ABCB5: variants seen among roughly 807,000 people sequenced by gnomAD.
The protein encoded by ABCB5 is ATP-binding cassette sub-family B member 5.
In ABCB5, 155 loss-of-function variants were observed where a neutral mutation model predicts 144.2. The observed-to-expected ratio is 1.08, with a 90% CI of 0.94 to 1.23. The LOEUF is 1.23. Among genes scored for constraint, ABCB5 ranks in the 50% most tolerant of loss-of-function variants. ABCB5 has a pLI of 0.00. For synonymous variants in ABCB5, 610 were observed against 528.6 expected, an observed-to-expected ratio of 1.15 and a Z score of -2.11; for missense variants, 1,830 against 1,520.8, an observed-to-expected ratio of 1.20 and a Z score of -3.38.
At chr7:20,673,823 G>C (rs2097941) in intron 14 of ABCB5, among the ~76,000 whole-genome samples, 137,597 of 151,904 alleles carry the variant, frequency 0.91, 62,495 homozygotes, top group East Asian at 1. Context: ...TTTCTTTTTT[G>C]CATCGATTCT....
intron 14 of ABCB5, among the ~76,000 whole-genome samples, chr7:20,668,768 A>G (rs1256776309): frequency 1.6e-5 from 2 of 125,012 alleles, no homozygotes; most frequent in Admixed American, 7.8e-5. Flanking sequence ...CCGGGAGGTG[A>G]GGGGCGCCTC....
At position 20,643,326 on chromosome 7, in the gene ABCB5, G is replaced by T; in HGVS notation, c.457G>T (p.Gly153Cys). Residue 153 changes from glycine to cysteine, a missense_variant, in exon 6 of 28, where the codon GGC becomes TGC. Transcript: ENST00000404938. Reference protein sequence around the residue: ...FFHSVLAQDIGWFDSCDIGEL... With the variant: ...FFHSVLAQDICWFDSCDIGEL... Reference sequence around the variant, plus strand: ...TCATTCAGTTTTGGCACAGGACATCGGCTGGTTTGATAGCTGTGACATCGG... The same window carrying T: ...TCATTCAGTTTTGGCACAGGACATCTGCTGGTTTGATAGCTGTGACATCGG... The T allele has an allele frequency of 6.2e-7, 1 of 1,613,920 alleles. No homozygotes were observed. Among genetic ancestry groups the T allele is most frequent in the East Asian group, 2.2e-5 (1 of 44,890 alleles).
At position 20,628,611 on chromosome 7, in the gene ABCB5, T is replaced by A; in HGVS notation, c.109-77T>A. 3 of 1,414,846 alleles carry A rather than the reference T, an allele frequency of 2.1e-6. 1 individual carries two copies. In the South Asian group the frequency reaches 3.9e-5, roughly 18 times the overall value. The allele number at this position is 1,414,846 out of a possible 1,614,324, so 87.6% of individuals were successfully genotyped here. On this transcript the variant is annotated intron_variant, in intron 3 of 27. Coordinates refer to ENST00000404938, the MANE Select transcript of ABCB5 (RefSeq NM_001163941.2). Reference sequence around the variant, plus strand: ...TTACTAGGTGGCAAAGGCTGTAGGCTGTTGTGTGTGTGTGTGTGTGCTTGG... The same window carrying A: ...TTACTAGGTGGCAAAGGCTGTAGGCAGTTGTGTGTGTGTGTGTGTGCTTGG...
intron 13 of ABCB5, among the ~76,000 whole-genome samples, chr7:20,657,020 C>T (rs1784825302): frequency 1.3e-5 from 2 of 150,972 alleles, no homozygotes; most frequent in South Asian, 4.2e-4. Flanking sequence ...CTCCCAGGCT[C>T]AGGCAGTCCT....
At chr7:20,693,650 C>G (rs1786307723) in intron 16 of ABCB5, among the ~76,000 whole-genome samples, 1 of 151,874 alleles carries the variant, frequency 6.6e-6, no homozygotes, top group Non-Finnish European at 1.5e-5. Flanking sequence ...ATCTAAAAAT[C>G]TCAAATTAAT....
chr7:20,680,938 A>G (rs1785772246), intron 14 of ABCB5, among the ~76,000 whole-genome samples: 1 of 151,208 alleles, frequency 6.6e-6, no homozygotes, highest in African/African-American at 2.4e-5. Context: ...ACTGCAACAA[A>G]GATTTCTTCT....
chr7:20,668,601 G>T (rs1389304154), intron 14 of ABCB5, among the ~76,000 whole-genome samples: 1 of 145,846 alleles, frequency 6.9e-6, no homozygotes, highest in Admixed American at 6.8e-5. Flanking sequence ...GGGGGGGGGG[G>T]TCAGCCCCCC....
At chr7:20,681,701 G>A (rs1410274283) in intron 15 of ABCB5, 35 bp downstream of exon 15, 23 of 1,594,280 alleles carry the variant, frequency 1.4e-5, no homozygotes, top group Non-Finnish European at 1.9e-5. Flanking sequence ...ATGTCAGCAG[G>A]GTTTAACGTT....
In ABCB5 at chr7:20,685,734, A is replaced by C; in HGVS notation, c.1908A>C (p.Thr636=). Residue 636 remains threonine (T), a synonymous_variant, in exon 16 of 28, where the codon ACA becomes ACC. Coordinates refer to ENST00000404938, the MANE Select transcript of ABCB5 (RefSeq NM_001163941.2). ...KKADEQMESM[T]YSTERKTNSL... ...CTGATGAACAGATGGAGTCAATGAC[A>C]TATTCTACTGAAAGAAAGACCAACT... is the stretch of plus-strand genomic sequence containing the variant. 6.2e-7 allele frequency: 1 copy of C among 1,612,788 alleles called. No homozygotes were observed. The highest frequency in any genetic ancestry group is 8.5e-7 in the Non-Finnish European group (1 of 1,179,002).
At chr7:20,684,901 T>G (rs1785944879) in intron 15 of ABCB5, among the ~76,000 whole-genome samples, 1 of 152,234 alleles carries the variant, frequency 6.6e-6, no homozygotes, top group African/African-American at 2.4e-5. Flanking sequence ...TGCTGGCAAC[T>G]TAGCTGGGCT....
intron 27 of ABCB5, among the ~76,000 whole-genome samples, chr7:20,754,141 G>A (rs1783013006): frequency 6.6e-6 from 1 of 152,190 alleles, no homozygotes; most frequent in Non-Finnish European, 1.5e-5. Context: ...TATTATCTCA[G>A]TCTTCACAAC....
chr7:20,731,633 T>C (rs750715466), intron 23 of ABCB5, among the ~76,000 whole-genome samples: 1 of 152,256 alleles, frequency 6.6e-6, no homozygotes, highest in Non-Finnish European at 1.5e-5. Flanking sequence ...TCTCAATGTG[T>C]TCAAAACAGA....
At chr7:20,735,365 A>C (rs1055843135) in intron 23 of ABCB5, among the ~76,000 whole-genome samples, 1 of 152,230 alleles carries the variant, frequency 6.6e-6, no homozygotes, top group Non-Finnish European at 1.5e-5. Context: ...TCGATACCTT[A>C]ACATAATAAA....
rs1784477701 is a variant in ABCB5 at position 20,648,386 on chromosome 7, T to C, written c.1206+308T>C. Reference sequence around the variant, plus strand: ...CCACCTGTTGGTGGTTCCTAGATGCTACCCCACTCAACATACTCATTTTAA... The same window carrying C: ...CCACCTGTTGGTGGTTCCTAGATGCCACCCCACTCAACATACTCATTTTAA... On this transcript the variant is annotated intron_variant, in intron 11 of 27. Transcript: ENST00000404938. Among the ~76,000 whole-genome samples the C allele has an allele frequency of 2.0e-5, 3 of 152,322 alleles. No homozygotes were observed. In the South Asian group the frequency reaches 6.2e-4, roughly 32 times the overall value.
At position 20,683,011 on chromosome 7, in the gene ABCB5, C is replaced by T. The variant is rs376980029; in HGVS notation, c.1869+1345C>T. On this transcript the variant is annotated intron_variant, in intron 15 of 27. Transcript: ENST00000404938. ...CTTGACCTGGAAGGCATCCTTTTTT[C>T]GAAGGGCTCTTCTACAGATAACTGA... Among the ~76,000 whole-genome samples, 9 of 152,230 alleles carry T rather than the reference C, an allele frequency of 5.9e-5. No individual in the cohort carries two copies. The South Asian group carries it at 6.2e-4, about 11-fold the overall frequency.
Position 20,653,173 on chromosome 7 carries a change from C to T in ABCB5, c.1536+1550C>T, listed in dbSNP as rs111639862. 1.8e-3 allele frequency among the ~76,000 whole-genome samples: 276 copies of T among 152,278 alleles called. 2 individuals are homozygous for T. Among genetic ancestry groups the T allele is most frequent in the Middle Eastern group, 6.8e-3 (2 of 294 alleles). ...GCTTTCTGATGCCTCTTAAATCATA[C>T]CCTGTAAGTTACTACTTGCTTTTAC... On this transcript the variant is annotated intron_variant, in intron 13 of 27. Transcript: ENST00000404938.
intron 20 of ABCB5, among the ~76,000 whole-genome samples, chr7:20,706,771 T>C (rs901051558): frequency 2.4e-4 from 37 of 152,268 alleles, no homozygotes; most frequent in South Asian, 4.1e-4. Context: ...TGATCAGTAG[T>C]GGGATAGTAC....
At chr7:20,652,002 T>C (rs1002224518) in intron 13 of ABCB5, among the ~76,000 whole-genome samples, 1 of 152,022 alleles carries the variant, frequency 6.6e-6, no homozygotes, top group African/African-American at 2.4e-5. Context: ...AAAGAAGAAA[T>C]GCATCATTGA....
chr7:20,629,830 A>G (rs1783995770), intron 4 of ABCB5, among the ~76,000 whole-genome samples: 1 of 152,140 alleles, frequency 6.6e-6, no homozygotes, highest in Admixed American at 6.6e-5. Flanking sequence ...CAAATCTTTC[A>G]GTTTAGTAGC....
Sources: allele counts gnomAD v4.1 joint callset (sites outside exome capture counted in the v4.1 genomes callset), GRCh38; gene constraint gnomAD v4.1.1; transcripts MANE v1.5; gene names NCBI Gene and HGNC (gene_info 2026-07-23, HGNC 2026-07-21).